The following MTMR14 variants were observed in gnomAD, a reference collection of about 807,000 sequenced individuals.
MTMR14 encodes the protein phosphatidylinositol-3,5-bisphosphate 3-phosphatase MTMR14.
In MTMR14, 48 loss-of-function variants were observed where a neutral mutation model predicts 86.3. The ratio of observed to expected loss-of-function variants is 0.56; its 90% CI spans 0.44 to 0.71. The LOEUF is 0.71. Among genes scored for constraint, MTMR14 ranks in the 30% least tolerant of loss-of-function variants. The pLI is 0.00. For missense variants in MTMR14, 780 were observed against 834.6 expected, an observed-to-expected ratio of 0.93 and a Z score of 0.81; for synonymous variants, 366 against 326.1, an observed-to-expected ratio of 1.12 and a Z score of -1.32.
chr3:9,678,888 C>T (rs1343700970), intron 9 of MTMR14, among the ~76,000 whole-genome samples: 2 of 152,302 alleles, frequency 1.3e-5, no homozygotes, highest in Admixed American at 1.3e-4. Flanking sequence ...CTTGTGTGTC[C>T]CAGCACAGAA....
chr3:9,651,165 A>G (rs1249739918), intron 1 of MTMR14, among the ~76,000 whole-genome samples: 2 of 151,922 alleles, frequency 1.3e-5, no homozygotes, highest in Non-Finnish European at 2.9e-5. Flanking sequence ...GCAGTGGTGC[A>G]ACCATGACTT....
chr3:9,665,528 A>G (rs756064856), intron 3 of MTMR14, among the ~76,000 whole-genome samples: 6 of 152,118 alleles, frequency 3.9e-5, no homozygotes, highest in Non-Finnish European at 5.9e-5. Flanking sequence ...GTTGGGTCCT[A>G]TGTTCACCAT....
intron 14 of MTMR14, among the ~76,000 whole-genome samples, chr3:9,688,319 G>A (rs557736039): frequency 3.3e-5 from 5 of 152,334 alleles, no homozygotes; most frequent in African/African-American, 4.8e-5. Context: ...GTCTGCTTCC[G>A]GCCTGGGAAA....
At chr3:9,653,969 C>T in intron 2 of MTMR14, 200 bp downstream of exon 2, 2 of 645,888 alleles carry the variant, frequency 3.1e-6, no homozygotes, top group Non-Finnish European at 5.5e-6. Flanking sequence ...GGAGTAACAG[C>T]CCTTGATTGC....
intron 1 of MTMR14, among the ~76,000 whole-genome samples, chr3:9,650,765 G>A (rs2047234200): frequency 6.6e-6 from 1 of 151,856 alleles, no homozygotes; most frequent in African/African-American, 2.4e-5. Flanking sequence ...GAATTTCTGG[G>A]GGTGGGATCC....
chr3:9,671,682 A>AG (rs2125135317), intron 6 of MTMR14, among the ~76,000 whole-genome samples: 1 of 152,326 alleles, frequency 6.6e-6, no homozygotes, highest in East Asian at 1.9e-4. Context: ...GAACAAAAAA[A>AG]TCAGCATATA....
chr3:9,652,579 C>G (rs1340639657), intron 1 of MTMR14, among the ~76,000 whole-genome samples: 23 of 152,000 alleles, frequency 1.5e-4, no homozygotes, highest in Admixed American at 1.5e-3. Flanking sequence ...TGAACCCCAT[C>G]TCTATTAAAA....
intron 7 of MTMR14, chr3:9,675,708 A>G (rs878930600): frequency 2.8e-5 from 13 of 457,020 alleles, no homozygotes; most frequent in African/African-American, 6.0e-5. Flanking sequence ...AGTAGAGTCT[A>G]TTTTAATTCT....
chr3:9,701,898 C>T lies in MTMR14; in HGVS notation c.1878C>T (p.Ser626=), dbSNP rs754686203. ...TTCGGGCAGTAGCCCCCAGTCCTTC[C>T]GGTGCCATCGGGGGCCTGCTGGAGC... ...VGLRAVAPSP[S]GAIGGLLEQF... The change falls in exon 19 of 19, where the codon TCC becomes TCT. Residue 626 remains serine (S), a synonymous_variant. Transcript: ENST00000296003. The surrounding 1 kb of genome is among the most constrained non-coding windows in gnomAD (Gnocchi z 4.2). The T allele has an allele frequency of 7.4e-6, 12 of 1,614,098 alleles. No homozygotes were observed. Among genetic ancestry groups the T allele is most frequent in the Admixed American group, 5.0e-5 (3 of 60,016 alleles).
In MTMR14 at chr3:9,690,053, C is replaced by T. The variant is rs1206004605; in HGVS notation, c.1523C>T (p.Ala508Val). ...CGCTTGCCTTCCCAGCAGGGGCTGG[C>T]GGAAGCCAGGTCTTCCAGCTCCTCT... ...EDRLPSQQGL[A>V]EARSSSSSSS... The change falls in exon 17 of 19, where the codon GCG becomes GTG. Residue 508 changes from alanine (A) to valine (V), a missense_variant. Physicochemically the swap from Ala to Val is moderately conservative, Grantham distance 64. Coordinates refer to ENST00000296003, the MANE Select transcript of MTMR14 (RefSeq NM_001077525.3). 5.6e-6 allele frequency: 9 copies of T among 1,612,830 alleles called. No homozygotes were observed. The highest frequency in any genetic ancestry group is 2.7e-5 in the African/African-American group (2 of 74,928).
At chr3:9,656,816 G>A (rs1361920517) in intron 2 of MTMR14, among the ~76,000 whole-genome samples, 1 of 152,102 alleles carries the variant, frequency 6.6e-6, no homozygotes, top group African/African-American at 2.4e-5. Context: ...CATTCTCTTC[G>A]TTCCCCTTCT....
chr3:9,668,633 G>A (rs550570809), intron 3 of MTMR14, 86 bp from the exon 4 acceptor site: 1 of 1,412,338 alleles, frequency 7.1e-7, no homozygotes, highest in African/African-American at 1.4e-5. Context: ...TGCTGGCCTG[G>A]AAGAGTCAGA....
In MTMR14 at chr3:9,677,401, C is replaced by T. The variant is rs775021522; in HGVS notation, c.822+14C>T. On this transcript the variant is annotated intron_variant, in intron 8 of 18. Coordinates refer to ENST00000296003, the MANE Select transcript of MTMR14 (RefSeq NM_001077525.3). The surrounding 1 kb of genome is among the most constrained non-coding windows in gnomAD (Gnocchi z 4.2). ...AACTGGAAGCAGGTATGAGCAATAA[C>T]ATACATCAAATTGGATCTATGTCTC... 1.2e-6 allele frequency: 2 copies of T among 1,610,334 alleles called. No individual in the cohort carries two copies. The highest frequency in any genetic ancestry group is 1.1e-5 in the South Asian group (1 of 91,006).
chr3:9,669,850 C>T (rs1289971931), intron 5 of MTMR14, among the ~76,000 whole-genome samples: 2 of 152,180 alleles, frequency 1.3e-5, no homozygotes, highest in African/African-American at 4.8e-5. Context: ...TACCAACCTG[C>T]CAGATCTCAC....
intron 7 of MTMR14, among the ~76,000 whole-genome samples, chr3:9,676,735 T>G (rs781477925): frequency 6.6e-6 from 1 of 152,248 alleles, no homozygotes; most frequent in African/African-American, 2.4e-5. Flanking sequence ...GAGTTACTTA[T>G]GATTTTTCCA....
chr3:9,660,999 G>T (rs1330410899), intron 2 of MTMR14, among the ~76,000 whole-genome samples: 1 of 152,122 alleles, frequency 6.6e-6, no homozygotes, highest in African/African-American at 2.4e-5. Flanking sequence ...ATTTGATATG[G>T]GTATGACTTG....
At chr3:9,683,988 G>A (rs2075855265) in intron 10 of MTMR14, among the ~76,000 whole-genome samples, 2 of 152,192 alleles carry the variant, frequency 1.3e-5, no homozygotes, top group Non-Finnish European at 2.9e-5. Flanking sequence ...TGGGTTAAGT[G>A]CCCATCCTTG....
chr3:9,652,619 C>T lies in MTMR14; in HGVS notation c.160-1002C>T, dbSNP rs183177908. ...TTTGTTGGCTGGGCGTGGTGGCTCA[C>T]CCAGGAGGCAGAGGTTGCAGTGAGC... On this transcript the variant is annotated intron_variant, in intron 1 of 18. Coordinates refer to ENST00000296003, the MANE Select transcript of MTMR14 (RefSeq NM_001077525.3). Among the ~76,000 whole-genome samples the T allele has an allele frequency of 2.6e-5, 4 of 152,018 alleles. No homozygotes were observed. In the East Asian group the frequency reaches 7.7e-4, roughly 29 times the overall value.
chr3:9,697,394 C>T (rs891082381), intron 17 of MTMR14, among the ~76,000 whole-genome samples: 6 of 152,144 alleles, frequency 3.9e-5, no homozygotes, highest in African/African-American at 9.7e-5. Context: ...TTGTCCTTGC[C>T]GTGTTCACTC....
Sources: gnomAD v4.1 joint callset for allele counts (sites outside exome capture counted in the v4.1 genomes callset) on GRCh38, gnomAD v4.1.1 for gene constraint, Gnocchi (gnomAD v3.1) non-coding constraint, MANE v1.5 for transcripts, NCBI Gene and HGNC (gene_info 2026-07-23, HGNC 2026-07-21) for gene names.